Variants in OPHN1 observed in about 807,000 individuals in gnomAD.
OPHN1 encodes the protein oligophrenin 1.
In OPHN1, 11 loss-of-function variants were observed where a neutral mutation model predicts 60.7. The observed-to-expected ratio is 0.18, with a 90% CI of 0.11 to 0.30. OPHN1 has a LOEUF of 0.30. OPHN1 is among the 10% of genes least tolerant of loss of function. The pLI is 1.00. For missense variants in OPHN1, 449 were observed against 611.0 expected (o/e 0.73, Z 2.80); for synonymous variants, 226 against 222.6 (o/e 1.02, Z -0.14).
chrX:68,348,195 G>A (rs2078388473), intron 2 of OPHN1, among the ~76,000 whole-genome samples: 1 of 112,146 alleles, frequency 8.9e-6, no homozygotes, highest in Admixed American at 9.5e-5. Flanking sequence ...AGAGGATCAG[G>A]TAGAGAAGTA....
At chrX:68,302,865 A>T (rs1367693902) in intron 2 of OPHN1, among the ~76,000 whole-genome samples, 3 of 111,406 alleles carry the variant, frequency 2.7e-5, no homozygotes, top group Non-Finnish European at 5.6e-5. Context: ...TCAAGGCTAC[A>T]CTGAGCTGTG....
chrX:68,322,924 A>G (rs1481257700), intron 2 of OPHN1, among the ~76,000 whole-genome samples: 4 of 112,256 alleles, frequency 3.6e-5, no homozygotes, highest in Non-Finnish European at 7.5e-5. Flanking sequence ...TTAAAAGGTC[A>G]CATACTGTAT....
chrX:68,230,509 C>G (rs2077722755), intron 6 of OPHN1, among the ~76,000 whole-genome samples: 1 of 109,949 alleles, frequency 9.1e-6, no homozygotes, highest in East Asian at 2.9e-4. Flanking sequence ...GATTTGGAAC[C>G]AACCCAAATA....
At chrX:68,255,840 C>A (rs2077860505) in intron 5 of OPHN1, among the ~76,000 whole-genome samples, 1 of 111,181 alleles carries the variant, frequency 9.0e-6, no homozygotes, top group South Asian at 3.8e-4. Context: ...AAAAGCCTAA[C>A]TGACTCATTC....
At chrX:68,228,068 A>T (rs1488372116) in intron 6 of OPHN1, among the ~76,000 whole-genome samples, 3 of 111,770 alleles carry the variant, frequency 2.7e-5, no homozygotes, top group African/African-American at 9.8e-5. Flanking sequence ...AAAAAATGAT[A>T]AAGGGGATAT....
At chrX:68,205,979 A>AGT (rs1228949782) in intron 10 of OPHN1, among the ~76,000 whole-genome samples, 4,909 of 91,054 alleles carry the variant, frequency 0.054, 110 homozygotes, top group Middle Eastern at 0.077. Flanking sequence ...AGTGTGTGTG[A>AGT]GTGTGTGTGT....
In OPHN1 at chrX:68,158,049, C is replaced by T. The variant is rs752316797; in HGVS notation, c.1276+34870G>A. Among the ~76,000 whole-genome samples, 221 of 111,783 alleles carry T rather than the reference C, an allele frequency of 2.0e-3. 1 individual carries two copies. Among genetic ancestry groups the T allele is most frequent in the African/African-American group, 6.7e-3 (208 of 30,824 alleles). The stretch of plus-strand genomic sequence containing the variant: ...CTGCAAGCTCCACCTCCCGGGTTCA[C>T]GCCATTCTCCTGCCTCAGCCTCCCA... On this transcript the variant is annotated intron_variant, in intron 15 of 24. Coordinates refer to ENST00000355520, the MANE Select transcript of OPHN1 (RefSeq NM_002547.3).
intron 2 of OPHN1, among the ~76,000 whole-genome samples, chrX:68,365,554 C>T (rs1041075616): frequency 1.8e-5 from 2 of 111,727 alleles, no homozygotes; most frequent in African/African-American, 6.5e-5. Flanking sequence ...GAATGTCTCT[C>T]GAGAGAATTA....
intron 2 of OPHN1, among the ~76,000 whole-genome samples, chrX:68,419,206 G>T (rs781321550): frequency 2.5e-3 from 274 of 109,266 alleles, no homozygotes; most frequent in South Asian, 0.011. Flanking sequence ...AGAGACAGGG[G>T]TTTCACCATG....
At chrX:68,360,943 T>C (rs2078469560) in intron 2 of OPHN1, 1 of 111,840 alleles carries the variant, frequency 8.9e-6, no homozygotes, top group Admixed American at 9.6e-5. Context: ...GAGAAAGAAA[T>C]TGGTAATCTT....
chrX:68,332,541 G>T (rs2147678170), intron 2 of OPHN1, among the ~76,000 whole-genome samples: 1 of 111,992 alleles, frequency 8.9e-6, no homozygotes, highest in African/African-American at 3.2e-5. Flanking sequence ...TATTTAATCT[G>T]CCTTGGAGAC....
intron 2 of OPHN1, among the ~76,000 whole-genome samples, chrX:68,418,926 AT>A (rs200751719): frequency 0.01 from 1,158 of 111,975 alleles, 25 homozygotes; most frequent in Admixed American, 0.071. Context: ...ACACAACTCC[AT>A]TTAAGGATGA....
intron 2 of OPHN1, among the ~76,000 whole-genome samples, chrX:68,359,578 C>T (rs750088162): frequency 3.7e-4 from 41 of 110,826 alleles, no homozygotes; most frequent in African/African-American, 1.3e-3. Flanking sequence ...TAGTACAGGC[C>T]GGGTGCAGTG....
In OPHN1 at chrX:68,091,650, C is replaced by T. The variant is rs535522510; in HGVS notation, c.1686+5220G>A. Reference sequence around the variant, plus strand: ...AAATGGATCTACCCTATATTTTGTCCCCTTAGGTGAAATAGCTCTGTCCTC... The same window carrying T: ...AAATGGATCTACCCTATATTTTGTCTCCTTAGGTGAAATAGCTCTGTCCTC... On this transcript the variant is annotated intron_variant, in intron 19 of 24. Transcript: ENST00000355520. 1.3e-4 allele frequency among the ~76,000 whole-genome samples: 15 copies of T among 111,313 alleles called. No homozygotes were observed. In the East Asian group the frequency reaches 4.3e-3, roughly 32 times the overall value.
rs183051061 is a variant in OPHN1 at position 68,126,592 on chromosome X, G to A, written c.1277-7260C>T. ...CCTGAGTAGCTGGGATTACAGGTGCGTGCCACCACACCTGGCTAATTTTTG... is the reference window on the plus strand; with the variant it reads ...CCTGAGTAGCTGGGATTACAGGTGCATGCCACCACACCTGGCTAATTTTTG... On this transcript the variant is annotated intron_variant, in intron 15 of 24. Coordinates refer to ENST00000355520, the MANE Select transcript of OPHN1 (RefSeq NM_002547.3). Among the ~76,000 whole-genome samples, 147 of 110,687 alleles carry A rather than the reference G, an allele frequency of 1.3e-3. 1 individual carries two copies. The highest frequency in any genetic ancestry group is 4.8e-3 in the African/African-American group (145 of 30,447).
At chrX:68,263,675 A>C (rs1244580034) in intron 5 of OPHN1, among the ~76,000 whole-genome samples, 3 of 111,512 alleles carry the variant, frequency 2.7e-5, no homozygotes, top group Non-Finnish European at 3.8e-5. Flanking sequence ...TTGATTCTAA[A>C]GCCTGATAAA....
At chrX:68,228,370 T>C (rs1178809894) in intron 6 of OPHN1, among the ~76,000 whole-genome samples, 1 of 110,491 alleles carries the variant, frequency 9.1e-6, no homozygotes, top group African/African-American at 3.3e-5. Context: ...ACTATTCCAA[T>C]CCATAGAAAA....
chrX:68,297,761 CA>C (rs765287731), intron 3 of OPHN1, among the ~76,000 whole-genome samples: 1 of 110,909 alleles, frequency 9.0e-6, no homozygotes, highest in African/African-American at 3.3e-5. Flanking sequence ...CAAGGCCATA[CA>C]AACCACCCAT....
chrX:68,396,794 G>A (rs1385306339), intron 2 of OPHN1, among the ~76,000 whole-genome samples: 1 of 111,106 alleles, frequency 9.0e-6, no homozygotes, highest in African/African-American at 3.3e-5. Flanking sequence ...CAGCCTGGGC[G>A]ACAGAGCGAG....
Sources: allele counts gnomAD v4.1 joint callset (sites outside exome capture counted in the v4.1 genomes callset), GRCh38; gene constraint gnomAD v4.1.1; transcripts MANE v1.5; gene names NCBI Gene and HGNC (gene_info 2026-07-23, HGNC 2026-07-21).